Variants in SLCO4A1 observed in about 807,000 individuals in gnomAD.
SLCO4A1 encodes solute carrier organic anion transporter family member 4A1.
SLCO4A1 carries 51 observed loss-of-function variants against 64.6 expected under a neutral mutation model. The observed-to-expected ratio is 0.79, with a 90% CI of 0.63 to 1.00. The LOEUF (loss-of-function observed/expected upper bound fraction) is 1.00. Ranked by LOEUF, SLCO4A1 falls within the 50% of genes least tolerant of loss-of-function variation. The pLI is 0.00. For missense variants in SLCO4A1, 919 were observed against 980.5 expected (o/e 0.94, Z 0.84); for synonymous variants, 471 against 444.9 (o/e 1.06, Z -0.74).
downstream of SLCO4A1, among the ~76,000 whole-genome samples, chr20:62,673,659 C>T (rs1421657204): frequency 7.6e-5 from 11 of 144,792 alleles, 3 homozygotes; most frequent in East Asian, 2.3e-3. Context: ...GCGGGAACCC[C>T]GCATGGCCAG....
chr20:62,675,276 C>T (rs531306907), downstream of SLCO4A1, among the ~76,000 whole-genome samples: 43 of 152,264 alleles, frequency 2.8e-4, no homozygotes, highest in East Asian at 5.0e-3. Flanking sequence ...AGTGAGACTT[C>T]GTGGTGCGTG....
chr20:62,661,255 C>T lies in SLCO4A1; in HGVS notation c.1121+80C>T, dbSNP rs1984769015. ...CATCTTGGGGGAGTCGTTGAGACCC[C>T]TCCGGGATCATGATGGGGACGCAGC... On this transcript the variant is annotated intron_variant, in intron 5 of 11. Coordinates refer to ENST00000217159, the MANE Select transcript of SLCO4A1 (RefSeq NM_016354.4). This position sits in a 1 kb window ranked among gnomAD's most constrained non-coding sequence, Gnocchi z 5.2. 2 of 999,478 alleles carry T rather than the reference C, an allele frequency of 2.0e-6. No homozygotes were observed. Among genetic ancestry groups the T allele is most frequent in the Non-Finnish European group, 1.6e-6 (1 of 629,424 alleles). The allele number at this position is 999,478 out of a possible 1,614,324, so 61.9% of individuals were successfully genotyped here.
At chr20:62,665,458 C>T (rs75655693) in intron 6 of SLCO4A1, 2,692 of 183,424 alleles carry the variant, frequency 0.015, 64 homozygotes, top group African/African-American at 0.058. Context: ...GGGGGTTTCT[C>T]GGTGCCAGAG....
At chr20:62,664,179 C>A (rs1056933176) in intron 5 of SLCO4A1, among the ~76,000 whole-genome samples, 6 of 152,152 alleles carry the variant, frequency 3.9e-5, no homozygotes. Flanking sequence ...GCCCTCAGGG[C>A]CAGACGGCTC....
rs760784939 is a variant in SLCO4A1 at position 62,667,737 on chromosome 20, C to T, written c.1473-8C>T. On this transcript the variant is annotated splice_polypyrimidine_tract_variant and splice_region_variant and intron_variant, in intron 7 of 11. Transcript: ENST00000217159. Reference sequence around the variant, plus strand: ...GGACCCTACCACTCGCTTGTCCCCCCTCTGCAGCCTCCTGCCCGAAGGCCA... The same window carrying T: ...GGACCCTACCACTCGCTTGTCCCCCTTCTGCAGCCTCCTGCCCGAAGGCCA... 1.9e-6 allele frequency: 3 copies of T among 1,604,446 alleles called. No individual in the cohort carries two copies. The highest frequency in any genetic ancestry group is 1.3e-5 in the African/African-American group (1 of 74,912).
At chr20:62,657,691 T>C (rs553736161) in intron 2 of SLCO4A1, among the ~76,000 whole-genome samples, 12 of 152,182 alleles carry the variant, frequency 7.9e-5, no homozygotes, top group Non-Finnish European at 1.8e-4. Flanking sequence ...CATGTTTCCC[T>C]GAAAGCACCA....
At chr20:62,670,107 T>G (rs1987012088) in intron 11 of SLCO4A1, 1 of 152,302 alleles carries the variant, frequency 6.6e-6, no homozygotes, top group Non-Finnish European at 1.5e-5. Flanking sequence ...TGTCCAACTT[T>G]GGAAGAAGGC....
intron 10 of SLCO4A1, 58 bp from the exon 11 acceptor site, chr20:62,668,872 C>T (rs1166497372): frequency 3.2e-6 from 5 of 1,550,092 alleles, no homozygotes; most frequent in Non-Finnish European, 4.4e-6. Flanking sequence ...GGCTGCCTGC[C>T]CCCTGCCTAG....
Position 62,666,447 on chromosome 20 carries a change from G to A in SLCO4A1, c.1344G>A (p.Arg448=). 1 of 1,613,406 alleles carries A rather than the reference G, an allele frequency of 6.2e-7. No homozygotes were observed. The highest frequency in any genetic ancestry group is 8.5e-7 in the Non-Finnish European group (1 of 1,179,962). ...FLGGFFVNKL[R]LRGSAVIKFC... The stretch of plus-strand genomic sequence containing the variant: ...GCGGCTTCTTTGTGAACAAGCTCAG[G>A]CTCCGGGGCTCCGCGGTCATCAAGT... The change falls in exon 7 of 12, where the codon AGG becomes AGA. Residue 448 remains arginine, a synonymous_variant. Coordinates refer to ENST00000217159, the MANE Select transcript of SLCO4A1 (RefSeq NM_016354.4).
downstream of SLCO4A1, among the ~76,000 whole-genome samples, chr20:62,673,381 GT>G (rs1987419603): frequency 7.0e-6 from 1 of 143,422 alleles, no homozygotes; most frequent in Non-Finnish European, 1.6e-5. Context: ...CAGGAGTCCG[GT>G]TCATCAGGAG....
chr20:62,657,796 A>G (rs997524205), intron 2 of SLCO4A1, among the ~76,000 whole-genome samples: 7 of 152,244 alleles, frequency 4.6e-5, no homozygotes, highest in Admixed American at 2.0e-4. Context: ...CGGCAGCCAC[A>G]TAGGGGTGTG....
chr20:62,658,140 G>A (rs537857568), intron 2 of SLCO4A1, among the ~76,000 whole-genome samples: 5 of 152,232 alleles, frequency 3.3e-5, no homozygotes, highest in South Asian at 2.1e-4. Context: ...GGCCCCAGCC[G>A]GACTCTGCAG....
intron 2 of SLCO4A1, among the ~76,000 whole-genome samples, chr20:62,680,035 G>A (rs557370804): frequency 2.8e-4 from 42 of 152,346 alleles, no homozygotes; most frequent in African/African-American, 8.9e-4. Context: ...AGGAGAGCTC[G>A]TCTTGACAAG....
intron 2 of SLCO4A1, among the ~76,000 whole-genome samples, chr20:62,658,376 C>T (rs1238046532): frequency 6.6e-6 from 1 of 152,272 alleles, no homozygotes; most frequent in African/African-American, 2.4e-5. Flanking sequence ...TAATTCCTGC[C>T]AGTGTCCATC....
intron 2 of SLCO4A1, among the ~76,000 whole-genome samples, chr20:62,658,143 C>T (rs1006209644): frequency 2.0e-5 from 3 of 152,252 alleles, no homozygotes; most frequent in African/African-American, 7.2e-5. Flanking sequence ...CCCAGCCGGA[C>T]TCTGCAGTGA....
downstream of SLCO4A1, among the ~76,000 whole-genome samples, chr20:62,690,070 T>C (rs6011666): frequency 0.88 from 134,492 of 152,290 alleles, 59,429 homozygotes; most frequent in Admixed American, 0.9. Flanking sequence ...CCTTGCCTGG[T>C]GAGTGGGCCT....
chr20:62,668,624 G>A, intron 10 of SLCO4A1, 83 bp downstream of exon 10: 3 of 1,308,718 alleles, frequency 2.3e-6, no homozygotes, highest in South Asian at 1.2e-5. Flanking sequence ...TAACCACCAA[G>A]GGGATGTGCT....
chr20:62,661,041 C>CCCCCCCCCCCCCCCCAA lies in SLCO4A1; in HGVS notation c.1010-23_1010-22insCCCCCCCCCCCCCCCAA. On this transcript the variant is annotated intron_variant, in intron 4 of 11. Transcript: ENST00000217159. This position sits in a 1 kb window ranked among gnomAD's most constrained non-coding sequence, Gnocchi z 5.2. ...TCCGGGAGCCCCCAGCCCCCAGCCC[C>CCCCCCCCCCCCCCCCAA]AGCTCACTCTGTGCCCTTCCAGGCT... 85 of 1,424,068 alleles carry CCCCCCCCCCCCCCCCAA rather than the reference C, an allele frequency of 6.0e-5. No homozygotes were observed. The highest frequency in any genetic ancestry group is 7.7e-5 in the Non-Finnish European group (78 of 1,010,076). The allele number at this position is 1,424,068 out of a possible 1,614,324, so 88.2% of individuals were successfully genotyped here. A position where few individuals can be genotyped will look rare whatever the true frequency, so the allele number is the denominator to read the frequency against.
chr20:62,660,284 G>T (rs532462842), intron 3 of SLCO4A1, 128 bp from the exon 4 acceptor site: 1 of 1,088,240 alleles, frequency 9.2e-7, no homozygotes. Context: ...CCAGGGGCCT[G>T]TGTTGACCAG....
Sources: gnomAD v4.1 joint callset for allele counts (sites outside exome capture counted in the v4.1 genomes callset) on GRCh38, gnomAD v4.1.1 for gene constraint, Gnocchi (gnomAD v3.1) non-coding constraint, MANE v1.5 for transcripts, NCBI Gene and HGNC (gene_info 2026-07-23, HGNC 2026-07-21) for gene names.